The following PGM5 variants were observed in gnomAD, a reference collection of about 807,000 sequenced individuals.
The protein encoded by PGM5 is phosphoglucomutase 5.
Under a neutral mutation model 59.2 loss-of-function variants are expected in PGM5, and 23 were observed. That is an observed-to-expected ratio of 0.39 (90% CI 0.28 to 0.55). PGM5 has a LOEUF of 0.55. PGM5 is among the 20% of genes least tolerant of loss of function. The pLI is 0.66. For synonymous variants in PGM5, 214 were observed against 286.0 expected (o/e 0.75, Z 2.54); for missense variants, 574 against 748.3 (o/e 0.77, Z 2.72).
At chr9:68,485,951 C>T (rs1470497985) in intron 9 of PGM5, among the ~76,000 whole-genome samples, 1 of 152,092 alleles carries the variant, frequency 6.6e-6, no homozygotes, top group Non-Finnish European at 1.5e-5. Flanking sequence ...CCTTTGCTGC[C>T]GTTGGTCCTG....
chr9:68,362,865 CTTTTTTTTTT>C (rs1163826772), intron 1 of PGM5, among the ~76,000 whole-genome samples: 4 of 96,772 alleles, frequency 4.1e-5, no homozygotes, highest in South Asian at 3.7e-4. Flanking sequence ...TTTTCTTTTT[CTTTTTTTTTT>C]TTTTTTTTTT....
chr9:68,483,204 G>T (rs1221058308), intron 8 of PGM5, among the ~76,000 whole-genome samples: 4 of 152,152 alleles, frequency 2.6e-5, no homozygotes, highest in African/African-American at 7.2e-5. Context: ...CCAAAGACAG[G>T]CAATGAATAG....
intron 6 of PGM5, among the ~76,000 whole-genome samples, chr9:68,424,884 A>G (rs1351496876): frequency 3.3e-5 from 5 of 152,130 alleles, no homozygotes; most frequent in African/African-American, 1.2e-4. Context: ...CCATGACTTC[A>G]AGTTGCCCTT....
At chr9:68,496,504 G>C (rs546995487) in intron 9 of PGM5, among the ~76,000 whole-genome samples, 36 of 152,314 alleles carry the variant, frequency 2.4e-4, no homozygotes, top group Admixed American at 5.2e-4. Context: ...CTCATGGTTA[G>C]TTTCCTAGGA....
At chr9:68,522,360 G>T (rs778251862) in intron 10 of PGM5, among the ~76,000 whole-genome samples, 1 of 152,150 alleles carries the variant, frequency 6.6e-6, no homozygotes, top group Non-Finnish European at 1.5e-5. Flanking sequence ...GGAAGTAGAT[G>T]GGGAGAAATA....
chr9:68,439,429 A>G (rs1564005999), intron 6 of PGM5, among the ~76,000 whole-genome samples: 1 of 146,302 alleles, frequency 6.8e-6, no homozygotes. Context: ...ATAATATAAT[A>G]TATAAATATA....
chr9:68,490,266 G>C (rs879954064), intron 9 of PGM5, among the ~76,000 whole-genome samples: 1 of 152,228 alleles, frequency 6.6e-6, no homozygotes, highest in Admixed American at 6.5e-5. Flanking sequence ...AGAATCTGAA[G>C]CTTTAAGATT....
chr9:68,403,268 G>A (rs1171513729), intron 6 of PGM5, among the ~76,000 whole-genome samples: 6 of 152,148 alleles, frequency 3.9e-5, no homozygotes, highest in Non-Finnish European at 8.8e-5. Flanking sequence ...ATCTGTCACT[G>A]TCTCCCATCA....
At chr9:68,484,095 G>A (rs781862860) in intron 9 of PGM5, 47 bp downstream of exon 9, 1 of 1,540,400 alleles carries the variant, frequency 6.5e-7, no homozygotes, top group South Asian at 1.1e-5. Context: ...CAGAACCAGT[G>A]GCCAAAATGT....
chr9:68,365,105 A>G (rs1228139541), intron 1 of PGM5, among the ~76,000 whole-genome samples: 1 of 148,998 alleles, frequency 6.7e-6, no homozygotes, highest in East Asian at 2.0e-4. Flanking sequence ...ACTTTTGGAG[A>G]TGTCCAAGCA....
intron 6 of PGM5, among the ~76,000 whole-genome samples, chr9:68,418,297 G>C (rs1158958598): frequency 6.6e-6 from 1 of 152,148 alleles, no homozygotes; most frequent in East Asian, 1.9e-4. Flanking sequence ...CTTAGGAAGG[G>C]ATCCTCTGGG....
intron 4 of PGM5, among the ~76,000 whole-genome samples, chr9:68,390,319 T>G (rs1822332949): frequency 6.6e-6 from 1 of 152,194 alleles, no homozygotes; most frequent in South Asian, 2.1e-4. Flanking sequence ...TGAGCAATGT[T>G]TCTGGGTTTC....
chr9:68,434,091 T>G (rs1823400954), intron 6 of PGM5, among the ~76,000 whole-genome samples: 1 of 151,832 alleles, frequency 6.6e-6, no homozygotes, highest in Non-Finnish European at 1.5e-5. Context: ...CAGAGGCAGA[T>G]GGATCACTTG....
intron 6 of PGM5, among the ~76,000 whole-genome samples, chr9:68,393,626 T>C (rs1450639662): frequency 6.6e-6 from 1 of 152,050 alleles, no homozygotes; most frequent in Admixed American, 6.6e-5. Context: ...CATGTTCCTG[T>C]AGTCCCACAC....
chr9:68,505,101 C>A (rs1824633929), intron 10 of PGM5, among the ~76,000 whole-genome samples: 1 of 152,120 alleles, frequency 6.6e-6, no homozygotes, highest in Admixed American at 6.5e-5. Flanking sequence ...TTTGCTTTTG[C>A]AGGAAAGGAG....
chr9:68,365,982 C>A (rs1197732242), intron 1 of PGM5, among the ~76,000 whole-genome samples: 4 of 152,048 alleles, frequency 2.6e-5, no homozygotes, highest in Admixed American at 6.6e-5. Flanking sequence ...AGGTGGCCAA[C>A]CTTATTAATA....
rs569752041 is a variant in PGM5, at chr9:68,425,752, G to C, written c.1043+33279G>C. 5.4e-4 allele frequency among the ~76,000 whole-genome samples: 82 copies of C among 152,218 alleles called. 1 individual carries two copies. Among genetic ancestry groups the C allele is most frequent in the Non-Finnish European group, 9.7e-4 (66 of 68,014 alleles). On this transcript the variant is annotated intron_variant, in intron 6 of 10. Coordinates refer to ENST00000396396, the MANE Select transcript of PGM5 (RefSeq NM_021965.4). ...ATCAATTGTGTTCATTGGCCAAACA[G>C]TATGATAATTTGTTAAATTTTACTG...
At chr9:68,445,340 T>C (rs757187221) in intron 6 of PGM5, among the ~76,000 whole-genome samples, 1 of 152,162 alleles carries the variant, frequency 6.6e-6, no homozygotes, top group Non-Finnish European at 1.5e-5. Flanking sequence ...ATGCAGGTGA[T>C]CAAAGCTAAA....
At chr9:68,370,228 ACACAGTGAG>A (rs1456336686) in intron 1 of PGM5, among the ~76,000 whole-genome samples, 3 of 152,298 alleles carry the variant, frequency 2.0e-5, no homozygotes, top group Middle Eastern at 3.4e-3. Context: ...AGGGATTATA[ACACAGTGAG>A]CAGAGGATAT....
Sources: gnomAD v4.1 joint callset for allele counts (sites outside exome capture counted in the v4.1 genomes callset) on GRCh38, gnomAD v4.1.1 for gene constraint, MANE v1.5 for transcripts, NCBI Gene and HGNC (gene_info 2026-07-23, HGNC 2026-07-21) for gene names.